The following BLVRB variants were observed in gnomAD, a reference collection of about 807,000 sequenced individuals.
BLVRB encodes the protein flavin reductase (NADPH).
Under a neutral mutation model 21.1 loss-of-function variants are expected in BLVRB, and 25 were observed. The observed-to-expected ratio is 1.19, with a 90% confidence interval of 0.86 to 1.66. BLVRB has a LOEUF of 1.66. Ranked by LOEUF, BLVRB falls within the 40% of genes most tolerant of loss-of-function variation. The pLI, the probability that BLVRB is intolerant of heterozygous loss-of-function variation, is 0.00. For missense variants in BLVRB, 274 were observed against 282.7 expected (o/e 0.97, Z 0.22); for synonymous variants, 128 against 122.2 (o/e 1.05, Z -0.31).
chr19:40,460,588 G>A (rs1034804947), intron 1 of BLVRB, among the ~76,000 whole-genome samples: 4 of 150,610 alleles, frequency 2.7e-5, no homozygotes, highest in Non-Finnish European at 5.9e-5. Flanking sequence ...TACAGAACAA[G>A]ACTCTGTCTC....
At chr19:40,456,862 A>C (rs528352133) in intron 3 of BLVRB, among the ~76,000 whole-genome samples, 7 of 152,240 alleles carry the variant, frequency 4.6e-5, no homozygotes, top group African/African-American at 1.7e-4. Flanking sequence ...TGGCGGTTGC[A>C]GTGAGCTGAT....
intron 1 of BLVRB, among the ~76,000 whole-genome samples, chr19:40,461,371 C>G (rs1421281397): frequency 1.3e-5 from 2 of 152,200 alleles, no homozygotes; most frequent in African/African-American, 4.8e-5. Flanking sequence ...TGCTCAGTTG[C>G]CTCCCGCAAG....
At chr19:40,460,245 AACATATATATAT>A (rs1199198660) in intron 1 of BLVRB, among the ~76,000 whole-genome samples, 27 of 53,570 alleles carry the variant, frequency 5.0e-4, no homozygotes, top group East Asian at 3.9e-3. Context: ...CTGTAATAGC[AACATATATATAT>A]ATATATATAT....
At chr19:40,464,811 C>G (rs1426092706) in intron 1 of BLVRB, among the ~76,000 whole-genome samples, 1 of 152,122 alleles carries the variant, frequency 6.6e-6, no homozygotes, top group African/African-American at 2.4e-5. Flanking sequence ...CGCAGATAGT[C>G]AATATCTTCA....
In BLVRB at chr19:40,465,626, C is replaced by A; in HGVS notation, c.63G>T (p.Ala21=). The A allele has an allele frequency of 6.2e-7, 1 of 1,612,462 alleles. No individual in the cohort carries two copies. The highest frequency in any genetic ancestry group is 8.5e-7 in the Non-Finnish European group (1 of 1,179,774). The part of the protein sequence containing the change: ...ATGQTGLTTL[A]QAVQAGYEVT... ...GGCTCATGCCTGCTTGCACCGCCTG[C>A]GCCAGGGTGGTGAGCCCGGTCTGGC... is the stretch of plus-strand genomic sequence containing the variant. The change falls in exon 1 of 5, where the codon GCG becomes GCT. Residue 21 remains alanine (A), a synonymous_variant. Coordinates refer to ENST00000263368, the MANE Select transcript of BLVRB (RefSeq NM_000713.3).
At chr19:40,454,135 A>G (rs1358419746) in intron 3 of BLVRB, among the ~76,000 whole-genome samples, 1 of 152,196 alleles carries the variant, frequency 6.6e-6, no homozygotes, top group Non-Finnish European at 1.5e-5. Context: ...CTGTGGTCTC[A>G]GCTACTCAGG....
intron 4 of BLVRB, among the ~76,000 whole-genome samples, chr19:40,448,517 G>A (rs1294663240): frequency 1.3e-5 from 2 of 151,036 alleles, no homozygotes; most frequent in Admixed American, 6.7e-5. Flanking sequence ...CTTGAGCCAG[G>A]GAAGTTGAAG....
At chr19:40,457,239 G>T (rs1180902247) in intron 3 of BLVRB, among the ~76,000 whole-genome samples, 1 of 151,630 alleles carries the variant, frequency 6.6e-6, no homozygotes, top group Non-Finnish European at 1.5e-5. Flanking sequence ...TTCAGAGCTT[G>T]AGGAAAAAAG....
intron 3 of BLVRB, among the ~76,000 whole-genome samples, chr19:40,452,974 A>C (rs1330674110): frequency 6.6e-6 from 1 of 152,060 alleles, no homozygotes; most frequent in African/African-American, 2.4e-5. Context: ...GAGGCAGGAG[A>C]ATCCCTTGAA....
chr19:40,450,197 CAAAAAAAAAA>C (rs869036627), intron 4 of BLVRB: 6 of 18,046 alleles, frequency 3.3e-4, no homozygotes, highest in South Asian at 2.9e-3. Context: ...GACTCTGTCT[CAAAAAAAAAA>C]AAAAAAAAAA....
At chr19:40,450,842 G>GTATCTATC (rs200198444) in intron 4 of BLVRB, among the ~76,000 whole-genome samples, 5,406 of 144,684 alleles carry the variant, frequency 0.037, 127 homozygotes, top group Admixed American at 0.039. Context: ...CCTGGCCTAT[G>GTATCTATC]TATCTATCTA....
At chr19:40,465,508 G>A (rs1019948830) in intron 1 of BLVRB, 102 bp downstream of exon 1, 7 of 1,425,846 alleles carry the variant, frequency 4.9e-6, no homozygotes, top group African/African-American at 1.4e-5. Flanking sequence ...ACCTGGCTGG[G>A]GCGCTCATGG....
chr19:40,460,247 C>CATATATATATATATATAT lies in BLVRB; in HGVS notation c.80-1720_80-1703dup, dbSNP rs57153004. Among the ~76,000 whole-genome samples the CATATATATATATATATAT allele has an allele frequency of 1.0e-3, 125 of 121,098 alleles. 1 individual carries two copies. The highest frequency in any genetic ancestry group is 3.8e-3 in the Middle Eastern group (1 of 262). 79.4% of individuals were successfully genotyped at this position (121,098 alleles called of 152,430 possible). A position where few individuals can be genotyped will look rare whatever the true frequency, so the allele number is the denominator to read the frequency against. On this transcript the variant is annotated intron_variant, in intron 1 of 4. Coordinates refer to ENST00000263368, the MANE Select transcript of BLVRB (RefSeq NM_000713.3). Reference sequence around the variant, plus strand: ...ACATTTGGGTATACTGTAATAGCAACATATATATATATATATATATATATA... The same window carrying CATATATATATATATATAT: ...ACATTTGGGTATACTGTAATAGCAACATATATATATATATATATATATATATATATATATATATATATA...
intron 4 of BLVRB, chr19:40,450,482 C>T (rs1163962573): frequency 6.7e-6 from 1 of 150,080 alleles, no homozygotes; most frequent in Admixed American, 6.6e-5. Flanking sequence ...CCCGCCTCGG[C>T]CTCTCAAAGT....
At chr19:40,452,607 G>T (rs2079744823) in intron 3 of BLVRB, among the ~76,000 whole-genome samples, 1 of 151,976 alleles carries the variant, frequency 6.6e-6, no homozygotes, top group African/African-American at 2.4e-5. Flanking sequence ...GCTAACCCCT[G>T]TAATCCCAGC....
chr19:40,455,853 T>C (rs1186100573), intron 3 of BLVRB, among the ~76,000 whole-genome samples: 1 of 151,950 alleles, frequency 6.6e-6, no homozygotes, highest in East Asian at 1.9e-4. Context: ...GTGGCTCAGG[T>C]GTAATCCCAG....
In BLVRB at chr19:40,456,582, A is replaced by G. The variant is rs190335791; in HGVS notation, c.334+1573T>C. Among the ~76,000 whole-genome samples the G allele has an allele frequency of 1.5e-3, 226 of 152,300 alleles. 2 individuals are homozygous for G. The highest frequency in any genetic ancestry group is 4.4e-3 in the African/African-American group (181 of 41,584). ...ATGGAAGCAAAACTTAACCAGTTAAATTGGTTTTTAAGACATGGGAGAGTC... is the reference window on the plus strand; with the variant it reads ...ATGGAAGCAAAACTTAACCAGTTAAGTTGGTTTTTAAGACATGGGAGAGTC... On this transcript the variant is annotated intron_variant, in intron 3 of 4. Transcript: ENST00000263368.
rs550098622 is a variant in BLVRB, at chr19:40,459,522, A to G, written c.80-977T>C. Among the ~76,000 whole-genome samples, 4 of 149,458 alleles carry G rather than the reference A, an allele frequency of 2.7e-5. 1 individual carries two copies. Among genetic ancestry groups the G allele is most frequent in the African/African-American group, 9.8e-5 (4 of 40,872 alleles). On this transcript the variant is annotated intron_variant, in intron 1 of 4. Coordinates refer to ENST00000263368, the MANE Select transcript of BLVRB (RefSeq NM_000713.3). The stretch of plus-strand genomic sequence containing the variant: ...GAGTGCAGTGGCACAATCTCGGCTC[A>G]CTGCAACCTCCGCCTCCCGGGTTCA...
At chr19:40,452,902 AAC>A (rs200735218) in intron 3 of BLVRB, among the ~76,000 whole-genome samples, 8,370 of 149,290 alleles carry the variant, frequency 0.056, 842 homozygotes, top group African/African-American at 0.19. Flanking sequence ...AAACAAAAAA[AAC>A]ACAAAAATTA....
Sources: allele counts gnomAD v4.1 joint callset (sites outside exome capture counted in the v4.1 genomes callset), GRCh38; gene constraint gnomAD v4.1.1; transcripts MANE v1.5; gene names NCBI Gene and HGNC (gene_info 2026-07-23, HGNC 2026-07-21).